Variants in CACNA2D2 observed in about 807,000 individuals in gnomAD.
CACNA2D2 encodes the protein voltage-dependent calcium channel subunit alpha-2/delta-2.
CACNA2D2 carries 48 observed loss-of-function variants against 166.4 expected under a neutral mutation model. The observed-to-expected ratio is 0.29, with a 90% CI of 0.23 to 0.37. CACNA2D2 has a LOEUF of 0.37. Ranked by LOEUF, CACNA2D2 falls within the 10% of genes least tolerant of loss-of-function variation. The probability of loss-of-function intolerance (pLI) is 1.00; values close to 1 mark genes in which losing one functional copy is unlikely to be tolerated. For synonymous variants in CACNA2D2, 561 were observed against 573.7 expected (o/e 0.98, Z 0.32); for missense variants, 1,122 against 1,433.0 (o/e 0.78, Z 3.50).
At chr3:50,501,726 G>C (rs561044878) in intron 1 of CACNA2D2, among the ~76,000 whole-genome samples, 2 of 152,164 alleles carry the variant, frequency 1.3e-5, no homozygotes, top group Non-Finnish European at 2.9e-5. Context: ...GGCTTGGCTC[G>C]TGCTTGGCTT....
intron 16 of CACNA2D2, 58 bp downstream of exon 16, chr3:50,377,674 T>C: frequency 6.3e-7 from 1 of 1,577,456 alleles, no homozygotes; most frequent in East Asian, 2.2e-5. Flanking sequence ...AGACCTGCTG[T>C]GGGCATGCCC....
chr3:50,491,676 A>G (rs938642923), intron 1 of CACNA2D2, among the ~76,000 whole-genome samples: 1 of 152,204 alleles, frequency 6.6e-6, no homozygotes, highest in Non-Finnish European at 1.5e-5. Flanking sequence ...TGTGACTGGG[A>G]GAAAGCCCCA....
intron 1 of CACNA2D2, among the ~76,000 whole-genome samples, chr3:50,488,698 T>G (rs56050567): frequency 0.019 from 2,900 of 151,548 alleles, 35 homozygotes; most frequent in Non-Finnish European, 0.023. Flanking sequence ...GGTGTTTTTT[T>G]TTTGTTTGTT....
At chr3:50,474,286 A>C (rs1294776421) in intron 2 of CACNA2D2, among the ~76,000 whole-genome samples, 1 of 152,222 alleles carries the variant, frequency 6.6e-6, no homozygotes, top group East Asian at 1.9e-4. Flanking sequence ...AAAATGATCA[A>C]TGAGGGAAAT....
intron 22 of CACNA2D2, among the ~76,000 whole-genome samples, chr3:50,371,679 G>A (rs1009404767): frequency 1.3e-5 from 2 of 152,204 alleles, no homozygotes; most frequent in Non-Finnish European, 2.9e-5. Flanking sequence ...TGGAGGGGCT[G>A]GGCAGTCACT....
intron 3 of CACNA2D2, among the ~76,000 whole-genome samples, chr3:50,397,481 G>A (rs1279753705): frequency 6.6e-6 from 1 of 152,132 alleles, no homozygotes; most frequent in Non-Finnish European, 1.5e-5. Flanking sequence ...TGCATGAGGG[G>A]CCCTGAGCAG....
At chr3:50,419,546 T>C (rs1185810376) in intron 3 of CACNA2D2, among the ~76,000 whole-genome samples, 2 of 152,314 alleles carry the variant, frequency 1.3e-5, no homozygotes, top group East Asian at 1.9e-4. Context: ...TCCCATCCTA[T>C]GACCATTGGG....
chr3:50,435,294 T>TGTATGC (rs1708263271), intron 2 of CACNA2D2, among the ~76,000 whole-genome samples: 1 of 151,518 alleles, frequency 6.6e-6, no homozygotes, highest in Non-Finnish European at 1.5e-5. Flanking sequence ...GGGTCTTGGG[T>TGTATGC]GTGTGCGTGT....
chr3:50,450,512 T>G (rs1010444057), intron 2 of CACNA2D2, among the ~76,000 whole-genome samples: 1 of 152,034 alleles, frequency 6.6e-6, no homozygotes, highest in African/African-American at 2.4e-5. Context: ...TGCACCCCCA[T>G]CACCCTGCTC....
chr3:50,404,424 T>G (rs1195998626), intron 3 of CACNA2D2, among the ~76,000 whole-genome samples: 2 of 152,198 alleles, frequency 1.3e-5, no homozygotes, highest in Non-Finnish European at 2.9e-5. Flanking sequence ...CCCGGGGCTC[T>G]GCTGGAATGA....
Position 50,379,062 on chromosome 3 carries a change from A to T in CACNA2D2, c.1260+30T>A. 1 of 1,613,424 alleles carries T rather than the reference A, an allele frequency of 6.2e-7. No homozygotes were observed. Among genetic ancestry groups the T allele is most frequent in the Non-Finnish European group, 8.5e-7 (1 of 1,179,516 alleles). On this transcript the variant is annotated intron_variant, in intron 12 of 37. Coordinates refer to ENST00000424201, the MANE Select transcript of CACNA2D2 (RefSeq NM_006030.4). This position sits in a 1 kb window ranked among gnomAD's most constrained non-coding sequence, Gnocchi z 6.5. ...CCCTCTTCTGTACTGGGCCCAGGTC[A>T]GGGTAGCCCCTGCCTCGGTTGAGCC... is the stretch of plus-strand genomic sequence containing the variant.
In CACNA2D2 at chr3:50,481,418, TCA is replaced by T. The variant is rs530647876; in HGVS notation, c.207-5221_207-5220del. Among the ~76,000 whole-genome samples the T allele has an allele frequency of 1.7e-3, 253 of 152,240 alleles. 1 individual carries two copies. Among genetic ancestry groups the T allele is most frequent in the Non-Finnish European group, 3.2e-3 (216 of 68,006 alleles). ...ACCCTGTTCCACTGGGCACCTATAA[TCA>T]GTCTGTGGCCTTCCCTTCAGCTTGG... On this transcript the variant is annotated intron_variant, in intron 1 of 37. Coordinates refer to ENST00000424201, the MANE Select transcript of CACNA2D2 (RefSeq NM_006030.4).
intron 2 of CACNA2D2, among the ~76,000 whole-genome samples, chr3:50,455,912 G>C (rs1051788841): frequency 6.6e-6 from 1 of 151,816 alleles, no homozygotes; most frequent in African/African-American, 2.4e-5. Flanking sequence ...TCCTCTCCTC[G>C]TTCTGCCCCC....
At chr3:50,490,651 C>T (rs947696490) in intron 1 of CACNA2D2, among the ~76,000 whole-genome samples, 1 of 152,256 alleles carries the variant, frequency 6.6e-6, no homozygotes, top group Non-Finnish European at 1.5e-5. Flanking sequence ...CCATTTTCCA[C>T]AGTCATGACG....
At chr3:50,418,096 T>C (rs972339767) in intron 3 of CACNA2D2, among the ~76,000 whole-genome samples, 15 of 152,064 alleles carry the variant, frequency 9.9e-5, no homozygotes, top group South Asian at 2.1e-4. Context: ...TGTGCTCCTA[T>C]TGGCCCAAAG....
intron 3 of CACNA2D2, among the ~76,000 whole-genome samples, chr3:50,419,078 G>C (rs1241454022): frequency 6.6e-6 from 1 of 152,144 alleles, no homozygotes; most frequent in Non-Finnish European, 1.5e-5. Context: ...CCTATTTCCT[G>C]GGCCAGGGAG....
chr3:50,482,968 G>A (rs1698117437), intron 1 of CACNA2D2, among the ~76,000 whole-genome samples: 4 of 152,214 alleles, frequency 2.6e-5, no homozygotes, highest in Admixed American at 6.5e-5. Flanking sequence ...GAGGCCACCT[G>A]GGCCACAAGA....
At chr3:50,499,259 C>T (rs1253219522) in intron 1 of CACNA2D2, among the ~76,000 whole-genome samples, 1 of 152,168 alleles carries the variant, frequency 6.6e-6, no homozygotes, top group Non-Finnish European at 1.5e-5. Context: ...AGAGCACAGT[C>T]ATGGCAGGGC....
intron 1 of CACNA2D2, among the ~76,000 whole-genome samples, chr3:50,486,025 C>G (rs1201770721): frequency 6.6e-6 from 1 of 152,088 alleles, no homozygotes; most frequent in Non-Finnish European, 1.5e-5. Context: ...CTCTCCCCAG[C>G]ACATTCCCCA....
Sources: allele counts gnomAD v4.1 joint callset (sites outside exome capture counted in the v4.1 genomes callset), GRCh38; gene constraint gnomAD v4.1.1; non-coding constraint Gnocchi (gnomAD v3.1); transcripts MANE v1.5; gene names NCBI Gene and HGNC (gene_info 2026-07-23, HGNC 2026-07-21).